Variants in KDM6A observed in about 807,000 individuals in gnomAD.
The protein encoded by KDM6A is lysine-specific demethylase 6A.
KDM6A carries 11 observed loss-of-function variants against 117.6 expected under a neutral mutation model. That is an observed-to-expected ratio of 0.09 (90% CI 0.06 to 0.15). The LOEUF (loss-of-function observed/expected upper bound fraction) is 0.15. KDM6A is among the 10% of genes least tolerant of loss of function. KDM6A has a pLI of 1.00. For synonymous variants in KDM6A, 384 were observed against 396.1 expected, an observed-to-expected ratio of 0.97 and a Z score of 0.36; for missense variants, 799 against 1,077.3, an observed-to-expected ratio of 0.74 and a Z score of 3.62.
intron 2 of KDM6A, among the ~76,000 whole-genome samples, chrX:44,912,457 ATT>A (rs1359100272): frequency 8.9e-6 from 1 of 111,971 alleles, no homozygotes; most frequent in Non-Finnish European, 1.9e-5. Context: ...GAAGAAATGC[ATT>A]TTACATCATG....
chrX:44,901,982 T>TGA (rs2034377548), intron 2 of KDM6A, among the ~76,000 whole-genome samples: 1 of 112,488 alleles, frequency 8.9e-6, no homozygotes, highest in Non-Finnish European at 1.9e-5. Context: ...ATCCCAGCAC[T>TGA]TTGGGAGGCC....
chrX:44,972,932 G>T (rs1160158526), intron 3 of KDM6A, among the ~76,000 whole-genome samples: 1 of 110,099 alleles, frequency 9.1e-6, no homozygotes, highest in African/African-American at 3.3e-5. Context: ...CTACTCAGGA[G>T]GCTGAGGCAG....
At chrX:44,930,306 T>A (rs1049734374) in intron 2 of KDM6A, among the ~76,000 whole-genome samples, 3 of 111,958 alleles carry the variant, frequency 2.7e-5, no homozygotes, top group African/African-American at 9.7e-5. Context: ...AAGTCTAATT[T>A]ATCATTTTTT....
chrX:45,036,643 G>T (rs899212974), intron 7 of KDM6A, among the ~76,000 whole-genome samples: 3 of 111,900 alleles, frequency 2.7e-5, no homozygotes, highest in Admixed American at 1.9e-4. Context: ...ATATATCCAG[G>T]TTATAAACCA....
chrX:45,042,900 C>G (rs1267012730), intron 8 of KDM6A, among the ~76,000 whole-genome samples: 1 of 112,939 alleles, frequency 8.9e-6, no homozygotes, highest in Middle Eastern at 4.6e-3. Context: ...ATAATTAAAA[C>G]TAAAGTTATG....
intron 19 of KDM6A, 133 bp downstream of exon 19, chrX:45,076,959 CG>C (rs1287114199): frequency 3.2e-5 from 17 of 526,732 alleles, no homozygotes; most frequent in Non-Finnish European, 5.2e-5. Context: ...AGTTTGGGGG[CG>C]GGGGGGAAGA....
chrX:44,904,869 T>G (rs1041218874), intron 2 of KDM6A, among the ~76,000 whole-genome samples: 1 of 112,098 alleles, frequency 8.9e-6, no homozygotes, highest in African/African-American at 3.2e-5. Context: ...ATTTGGCCAT[T>G]TTTCTTCACT....
In KDM6A at chrX:45,083,134, A is replaced by G. The variant is rs776253580; in HGVS notation, c.3441-326A>G. ...AAAACTTTTCTGCAGTTTTTCATCA[A>G]GACTCTGACTATATGCTAATTACAT... On this transcript the variant is annotated intron_variant, in intron 23 of 29. Coordinates refer to ENST00000611820, the MANE Select transcript of KDM6A (RefSeq NM_001291415.2). Among the ~76,000 whole-genome samples the G allele has an allele frequency of 1.0e-3, 111 of 109,378 alleles. 1 individual carries two copies. Among genetic ancestry groups the G allele is most frequent in the East Asian group, 1.4e-3 (5 of 3,545 alleles). 95.0% of individuals were successfully genotyped at this position (109,378 alleles called of 115,157 possible). A position where few individuals can be genotyped will look rare whatever the true frequency, so the allele number is the denominator to read the frequency against.
At chrX:45,079,770 T>G (rs1348080272) in intron 21 of KDM6A, among the ~76,000 whole-genome samples, 1 of 112,085 alleles carries the variant, frequency 8.9e-6, no homozygotes, top group African/African-American at 3.2e-5. Flanking sequence ...GGTCTCGAAC[T>G]CCTGACCTCA....
intron 4 of KDM6A, among the ~76,000 whole-genome samples, chrX:44,986,273 T>A (rs1373729432): frequency 8.9e-6 from 1 of 112,036 alleles, no homozygotes; most frequent in East Asian, 2.8e-4. Context: ...TATCATTTTT[T>A]ATTGCGTCTA....
At chrX:45,020,501 C>A (rs2147661754) in intron 5 of KDM6A, 109 bp from the exon 6 acceptor site, 2 of 855,340 alleles carry the variant, frequency 2.3e-6, no homozygotes, top group South Asian at 2.4e-5. Flanking sequence ...ATAAAACCAA[C>A]ATTTCCTTTA....
intron 8 of KDM6A, among the ~76,000 whole-genome samples, chrX:45,043,605 T>C (rs1428857513): frequency 9.0e-6 from 1 of 110,917 alleles, no homozygotes; most frequent in Non-Finnish European, 1.9e-5. Context: ...GATGAAACCC[T>C]GTTTCTACTA....
chrX:44,998,117 T>C (rs908040948), intron 4 of KDM6A, among the ~76,000 whole-genome samples: 1 of 111,584 alleles, frequency 9.0e-6, no homozygotes, highest in Non-Finnish European at 1.9e-5. Context: ...GGCAGTGGTT[T>C]GGAGGGCAGA....
intron 2 of KDM6A, among the ~76,000 whole-genome samples, chrX:44,931,902 A>T (rs1467080112): frequency 2.7e-5 from 3 of 110,243 alleles, no homozygotes; most frequent in Non-Finnish European, 5.7e-5. Flanking sequence ...TGAGAATCCT[A>T]TTTTAAAAAT....
At chrX:44,882,175 A>G (rs1213079238) in intron 2 of KDM6A, among the ~76,000 whole-genome samples, 2 of 111,642 alleles carry the variant, frequency 1.8e-5, no homozygotes, top group Non-Finnish European at 3.8e-5. Flanking sequence ...TGTTCATTAG[A>G]TTTTTCTCTC....
intron 4 of KDM6A, among the ~76,000 whole-genome samples, chrX:45,002,002 A>G (rs2041167125): frequency 9.0e-6 from 1 of 111,443 alleles, no homozygotes; most frequent in Admixed American, 9.6e-5. Context: ...AAGGAAAGGA[A>G]AGTGGAAGAT....
In KDM6A at chrX:44,976,129, G is replaced by A. The variant is rs138750957; in HGVS notation, c.384+1414G>A. ...AAAATCCAGATTAGCTGAGCTAAGG[G>A]GCAAAAAATCCTGCATCACAGCCAT... On this transcript the variant is annotated intron_variant, in intron 4 of 29. Coordinates refer to ENST00000611820, the MANE Select transcript of KDM6A (RefSeq NM_001291415.2). Among the ~76,000 whole-genome samples, 30 of 111,450 alleles carry A rather than the reference G, an allele frequency of 2.7e-4. No individual in the cohort carries two copies. In the East Asian group the frequency reaches 8.2e-3, roughly 30 times the overall value.
intron 4 of KDM6A, among the ~76,000 whole-genome samples, chrX:44,986,031 T>C (rs938073660): frequency 4.5e-5 from 5 of 111,850 alleles, no homozygotes; most frequent in East Asian, 2.8e-4. Flanking sequence ...TGTGAATCCA[T>C]CTGGTCCTGG....
chrX:45,096,891 A>G (rs1327560373), intron 27 of KDM6A, among the ~76,000 whole-genome samples: 3 of 111,861 alleles, frequency 2.7e-5, no homozygotes, highest in Non-Finnish European at 5.6e-5. Context: ...AAATTATTCT[A>G]TCATAAAGAC....
Sources: gnomAD v4.1 joint callset for allele counts (sites outside exome capture counted in the v4.1 genomes callset) on GRCh38, gnomAD v4.1.1 for gene constraint, MANE v1.5 for transcripts, NCBI Gene and HGNC (gene_info 2026-07-23, HGNC 2026-07-21) for gene names.